SLC18A1: variants seen among roughly 807,000 people sequenced by gnomAD.
The protein encoded by SLC18A1 is chromaffin granule amine transporter.
SLC18A1 carries 69 observed loss-of-function variants against 53.7 expected under a neutral mutation model. The observed-to-expected ratio is 1.28, with a 90% CI of 1.06 to 1.57. SLC18A1 has a LOEUF of 1.57. Among genes scored for constraint, SLC18A1 ranks in the 40% most tolerant of loss-of-function variants. The pLI is 0.00. For synonymous variants in SLC18A1, 320 were observed against 248.1 expected (o/e 1.29, Z -2.72); for missense variants, 932 against 668.1 (o/e 1.40, Z -4.35).
At chr8:20,157,185 T>C (rs1360935157) in intron 10 of SLC18A1, among the ~76,000 whole-genome samples, 1 of 152,176 alleles carries the variant, frequency 6.6e-6, no homozygotes, top group African/African-American at 2.4e-5. Context: ...GGCATCCTCA[T>C]GTTCTTTTTT....
chr8:20,175,061 A>T (rs1291887252), intron 4 of SLC18A1, among the ~76,000 whole-genome samples: 1 of 152,244 alleles, frequency 6.6e-6, no homozygotes, highest in Non-Finnish European at 1.5e-5. Flanking sequence ...TAAAAATAAC[A>T]TCTAGTTATT....
chr8:20,146,581 G>T (rs1379808732), intron 15 of SLC18A1, among the ~76,000 whole-genome samples: 2 of 152,092 alleles, frequency 1.3e-5, no homozygotes, highest in Non-Finnish European at 2.9e-5. Context: ...AAAATCCTAT[G>T]GTATGGATCT....
chr8:20,164,829 C>T (rs1379776519), intron 10 of SLC18A1, 40 bp downstream of exon 10: 29 of 1,512,622 alleles, frequency 1.9e-5, no homozygotes, highest in Non-Finnish European at 2.6e-5. Context: ...CACCCACCTC[C>T]TCCTGCCAGG....
chr8:20,145,308 G>C lies in SLC18A1; in HGVS notation c.*455C>G, dbSNP rs1385211234. On this transcript the variant is annotated 3_prime_UTR_variant, in exon 16 of 16. Coordinates refer to ENST00000276373, the MANE Select transcript of SLC18A1 (RefSeq NM_003053.4). ...GAGAACATTTTCTCAACTCGGCTGGGAAAACCCGGGAAAGAACACGTTGAG... is the reference window on the plus strand; with the variant it reads ...GAGAACATTTTCTCAACTCGGCTGGCAAAACCCGGGAAAGAACACGTTGAG... The C allele has an allele frequency of 1.3e-5, 2 of 152,624 alleles. No homozygotes were observed. The highest frequency in any genetic ancestry group is 2.9e-5 in the Non-Finnish European group (2 of 68,450). The allele number at this position is 152,624 out of a possible 1,614,324, so 9.5% of individuals were successfully genotyped here. A position where few individuals can be genotyped will look rare whatever the true frequency, so the allele number is the denominator to read the frequency against.
At chr8:20,172,513 A>G (rs2072148833) in intron 6 of SLC18A1, among the ~76,000 whole-genome samples, 1 of 152,168 alleles carries the variant, frequency 6.6e-6, no homozygotes, top group South Asian at 2.1e-4. Context: ...TGTATGAGGG[A>G]GGAGCCTCAA....
At chr8:20,160,501 G>A (rs1409954741) in intron 10 of SLC18A1, among the ~76,000 whole-genome samples, 1 of 151,800 alleles carries the variant, frequency 6.6e-6, no homozygotes, top group Non-Finnish European at 1.5e-5. Context: ...AATCTCTAAG[G>A]GGTGAGGGAT....
At chr8:20,150,872 C>T (rs372350451) in intron 10 of SLC18A1, 128 bp from the exon 11 acceptor site, 2 of 804,826 alleles carry the variant, frequency 2.5e-6, no homozygotes, top group Admixed American at 2.0e-5. Flanking sequence ...GTTTTATGAT[C>T]TGGGGACCTT....
intron 12 of SLC18A1, chr8:20,148,641 A>C (rs538823279): frequency 4.6e-6 from 2 of 432,156 alleles, no homozygotes; most frequent in African/African-American, 4.1e-5. Context: ...TTGCCCTCCC[A>C]ATCCCCCAAC....
chr8:20,145,739 G>C lies in SLC18A1; in HGVS notation c.*24C>G. 2 of 1,493,824 alleles carry C rather than the reference G, an allele frequency of 1.3e-6. No homozygotes were observed. Among genetic ancestry groups the C allele is most frequent in the Non-Finnish European group, 1.9e-6 (2 of 1,078,480 alleles). The allele number at this position is 1,493,824 out of a possible 1,614,324, so 92.5% of individuals were successfully genotyped here. On this transcript the variant is annotated 3_prime_UTR_variant, in exon 16 of 16. Coordinates refer to ENST00000276373, the MANE Select transcript of SLC18A1 (RefSeq NM_003053.4). ...AAAGAGGTGGTCACTGAGGCATCAT[G>C]AATTCAAGGAGCACCTTCTGCTGCT...
rs1179401965 is a variant in SLC18A1, at chr8:20,147,715, C to T, written c.1218G>A (p.Val406=). The change falls in exon 14 of 16, where the codon GTG becomes GTA. Residue 406 remains valine, a synonymous_variant. Coordinates refer to ENST00000276373, the MANE Select transcript of SLC18A1 (RefSeq NM_003053.4). The stretch of plus-strand genomic sequence containing the variant: ...CCATGATGGGCATCATAGAAGAATC[C>T]ACCATGCCTGTGGCCAGAGCAAACA... ...NAGLGLAIGM[V]DSSMMPIMGH... 2.5e-6 allele frequency: 4 copies of T among 1,613,220 alleles called. No individual in the cohort carries two copies. Among genetic ancestry groups the T allele is most frequent in the South Asian group, 1.1e-5 (1 of 90,918 alleles).
At chr8:20,180,585 G>A (rs143892565) in intron 2 of SLC18A1, among the ~76,000 whole-genome samples, 24 of 152,254 alleles carry the variant, frequency 1.6e-4, no homozygotes, top group African/African-American at 4.3e-4. Context: ...TTCTGGCTCC[G>A]GGCCATCCTC....
chr8:20,172,429 G>T (rs2072146992), intron 6 of SLC18A1, among the ~76,000 whole-genome samples: 1 of 152,146 alleles, frequency 6.6e-6, no homozygotes. Flanking sequence ...ACTATGCCTG[G>T]GGCTTCCCAC....
intron 10 of SLC18A1, among the ~76,000 whole-genome samples, chr8:20,161,480 A>C (rs189087042): frequency 1.7e-3 from 265 of 152,386 alleles, no homozygotes; most frequent in African/African-American, 5.9e-3. Flanking sequence ...ATTATAGTAC[A>C]TGGAAGTACG....
At chr8:20,178,121 A>AACACACACACAC (rs10560327) in intron 4 of SLC18A1, among the ~76,000 whole-genome samples, 4,966 of 148,764 alleles carry the variant, frequency 0.033, 134 homozygotes, top group East Asian at 0.095. Context: ...TGATGCATAT[A>AACACACACACAC]ACACACACAC....
chr8:20,148,127 G>T, intron 12 of SLC18A1, 57 bp from the exon 13 acceptor site: 1 of 1,478,570 alleles, frequency 6.8e-7, no homozygotes, highest in South Asian at 1.1e-5. Context: ...GTGGGAGCAA[G>T]GTTCAAAGAG....
intron 8 of SLC18A1, among the ~76,000 whole-genome samples, chr8:20,166,300 T>A (rs1233435909): frequency 1.2e-5 from 1 of 86,766 alleles, no homozygotes; most frequent in Non-Finnish European, 2.3e-5. Context: ...TATATATATA[T>A]ATATATATAT....
In SLC18A1 at chr8:20,178,456, T is replaced by A. The variant is rs2072307387; in HGVS notation, c.526A>T (p.Ile176Phe). The change falls in exon 4 of 16, where the codon ATC (isoleucine) becomes TTC (phenylalanine). Residue 176 changes from isoleucine to phenylalanine, a missense_variant. Physicochemically the swap from Ile to Phe is conservative, Grantham distance 21. Transcript: ENST00000276373. ...YHIPMFAGFV[I>F]MFLSTVMFAF... The stretch of plus-strand genomic sequence containing the variant: ...TTACTAACTGTGGAGAGAAACATGA[T>A]AACAAAGCCAGCAAACATGGGGATA... 2 of 1,607,144 alleles carry A rather than the reference T, an allele frequency of 1.2e-6. No homozygotes were observed. The highest frequency in any genetic ancestry group is 1.4e-5 in the African/African-American group (1 of 73,940).
chr8:20,166,274 T>G (rs2071955030), intron 8 of SLC18A1, among the ~76,000 whole-genome samples: 1 of 97,918 alleles, frequency 1.0e-5, no homozygotes, highest in Admixed American at 1.0e-4. Flanking sequence ...AAATTGTGTG[T>G]GGGTGTGTGT....
At chr8:20,153,132 G>A (rs1466418910) in intron 10 of SLC18A1, among the ~76,000 whole-genome samples, 1 of 152,156 alleles carries the variant, frequency 6.6e-6, no homozygotes. Context: ...ATAACTAGGG[G>A]CTTAGAGAAA....
Sources: allele counts gnomAD v4.1 joint callset (sites outside exome capture counted in the v4.1 genomes callset), GRCh38; gene constraint gnomAD v4.1.1; transcripts MANE v1.5; gene names NCBI Gene and HGNC (gene_info 2026-07-23, HGNC 2026-07-21).